EDIL3: variants seen among roughly 807,000 people sequenced by gnomAD.
EDIL3 encodes the protein EGF-like repeat and discoidin I-like domain-containing protein 3.
A neutral mutation model predicts 67.4 loss-of-function variants in EDIL3; 37 were observed. That is an observed-to-expected ratio of 0.55 (90% CI 0.42 to 0.72). The LOEUF (loss-of-function observed/expected upper bound fraction) is 0.72, where lower values mean the gene tolerates loss of function less well. EDIL3 is among the 30% of genes least tolerant of loss of function. EDIL3 has a pLI of 0.00. For missense variants in EDIL3, 527 were observed against 586.3 expected (o/e 0.90, Z 1.04); for synonymous variants, 195 against 196.3 (o/e 0.99, Z 0.05).
At chr5:84,196,376 C>A (rs572600012) in intron 3 of EDIL3, among the ~76,000 whole-genome samples, 1 of 152,088 alleles carries the variant, frequency 6.6e-6, no homozygotes, top group African/African-American at 2.4e-5. Context: ...CAATGATTAC[C>A]CAGAAAAGTT....
rs538338756 is a variant in EDIL3, at chr5:84,243,675, T to C, written c.196+10409A>G. On this transcript the variant is annotated intron_variant, in intron 2 of 10. Coordinates refer to ENST00000296591, the MANE Select transcript of EDIL3 (RefSeq NM_005711.5). ...GCTATATTTTCCAAGGATTAGTACG[T>C]AAGAAAACAAATATCTTTACTGGGT... Among the ~76,000 whole-genome samples, 7 of 152,322 alleles carry C rather than the reference T, an allele frequency of 4.6e-5. No homozygotes were observed. In the East Asian group the frequency reaches 1.2e-3, roughly 25 times the overall value.
At position 84,199,992 on chromosome 5, in the gene EDIL3, T is replaced by A. The variant is rs534250961; in HGVS notation, c.227-19471A>T. Among the ~76,000 whole-genome samples, 42 of 152,192 alleles carry A rather than the reference T, an allele frequency of 2.8e-4. No individual in the cohort carries two copies. In the South Asian group the frequency reaches 7.5e-3, roughly 27 times the overall value. On this transcript the variant is annotated intron_variant, in intron 3 of 10. Coordinates refer to ENST00000296591, the MANE Select transcript of EDIL3 (RefSeq NM_005711.5). ...GCCCTTCCCATGTCTATGGGTTTTT[T>A]AAATTTTCTAATAATGTATTGGTAC...
chr5:84,109,836 C>A (rs1475281957), intron 5 of EDIL3, among the ~76,000 whole-genome samples: 1 of 152,104 alleles, frequency 6.6e-6, no homozygotes, highest in Non-Finnish European at 1.5e-5. Flanking sequence ...TGTGAGTTGT[C>A]AAGGTACTGC....
chr5:84,020,558 G>C (rs558636516), intron 9 of EDIL3, among the ~76,000 whole-genome samples: 11 of 151,716 alleles, frequency 7.3e-5, no homozygotes, highest in Non-Finnish European at 1.6e-4. Flanking sequence ...ATTTTTACTA[G>C]ATTAAAGTGG....
At chr5:84,249,352 T>C (rs1744974361) in intron 2 of EDIL3, among the ~76,000 whole-genome samples, 1 of 152,070 alleles carries the variant, frequency 6.6e-6, no homozygotes, top group Admixed American at 6.6e-5. Context: ...CAGGTACTTG[T>C]ATCACAACAC....
chr5:84,179,409 T>A (rs551849738), intron 4 of EDIL3, among the ~76,000 whole-genome samples: 19 of 152,280 alleles, frequency 1.2e-4, no homozygotes, highest in African/African-American at 4.6e-4. Context: ...CACACGCCCA[T>A]GCACTACAAT....
chr5:84,229,888 T>C lies in EDIL3; in HGVS notation c.197-4A>G. Reference sequence around the variant, plus strand: ...GTTGGTTCTTCTTCATCTGATGCTATGATAAGAGGAAAAGGTGAAATGGGG... The same window carrying C: ...GTTGGTTCTTCTTCATCTGATGCTACGATAAGAGGAAAAGGTGAAATGGGG... On this transcript the variant is annotated splice_polypyrimidine_tract_variant and splice_region_variant and intron_variant, in intron 2 of 10. Coordinates refer to ENST00000296591, the MANE Select transcript of EDIL3 (RefSeq NM_005711.5). 6.3e-7 allele frequency: 1 copy of C among 1,594,914 alleles called. No homozygotes were observed. The highest frequency in any genetic ancestry group is 8.5e-7 in the Non-Finnish European group (1 of 1,170,878).
chr5:84,156,931 C>G (rs886606925), intron 4 of EDIL3, among the ~76,000 whole-genome samples: 12 of 152,096 alleles, frequency 7.9e-5, no homozygotes, highest in Non-Finnish European at 1.5e-5. Context: ...AGAGTACTAT[C>G]AGCACGTCAT....
At chr5:84,250,940 G>A (rs1745012200) in intron 2 of EDIL3, among the ~76,000 whole-genome samples, 1 of 152,056 alleles carries the variant, frequency 6.6e-6, no homozygotes, top group Non-Finnish European at 1.5e-5. Context: ...ACAGACTAGT[G>A]ACAGCTCAAA....
chr5:84,306,581 G>A (rs1280733532), intron 1 of EDIL3, among the ~76,000 whole-genome samples: 1 of 152,178 alleles, frequency 6.6e-6, no homozygotes, highest in Non-Finnish European at 1.5e-5. Context: ...GTATCAGTAA[G>A]TTTTAGAGCT....
intron 5 of EDIL3, among the ~76,000 whole-genome samples, chr5:84,111,506 G>A (rs1029678693): frequency 3.9e-5 from 6 of 152,108 alleles, no homozygotes; most frequent in African/African-American, 1.4e-4. Flanking sequence ...CGTGTTTATT[G>A]AAGCCCTTCT....
intron 9 of EDIL3, among the ~76,000 whole-genome samples, chr5:83,994,622 TG>T (rs1188884494): frequency 6.6e-6 from 1 of 152,178 alleles, no homozygotes; most frequent in African/African-American, 2.4e-5. Context: ...ATTCTCTTTT[TG>T]GCTGGCATTT....
At chr5:84,177,449 A>G (rs1748940636) in intron 4 of EDIL3, among the ~76,000 whole-genome samples, 1 of 152,188 alleles carries the variant, frequency 6.6e-6, no homozygotes. Context: ...AAGGATAAAT[A>G]GGTGTACAGG....
At position 84,180,580 on chromosome 5, in the gene EDIL3, T is replaced by C. The variant is rs1748998213; in HGVS notation, c.227-59A>G. The C allele has an allele frequency of 2.7e-6, 4 of 1,476,630 alleles. No homozygotes were observed. In the East Asian group the frequency reaches 7.3e-5, roughly 27 times the overall value. The allele number at this position is 1,476,630 out of a possible 1,614,324, so 91.5% of individuals were successfully genotyped here. A position where few individuals can be genotyped will look rare whatever the true frequency, so the allele number is the denominator to read the frequency against. On this transcript the variant is annotated intron_variant, in intron 3 of 10. Coordinates refer to ENST00000296591, the MANE Select transcript of EDIL3 (RefSeq NM_005711.5). Reference sequence around the variant, plus strand: ...CATATTCTTAAAAGTAGACATTAGGTCAACATTTTGCAATTAATAATTTTA... The same window carrying C: ...CATATTCTTAAAAGTAGACATTAGGCCAACATTTTGCAATTAATAATTTTA...
intron 4 of EDIL3, among the ~76,000 whole-genome samples, chr5:84,156,620 G>T (rs1301539548): frequency 1.3e-5 from 2 of 152,174 alleles, no homozygotes; most frequent in Admixed American, 1.3e-4. Context: ...TATCTTAAAA[G>T]GCTAAGTTTA....
intron 1 of EDIL3, among the ~76,000 whole-genome samples, chr5:84,254,485 T>C (rs1745092125): frequency 6.6e-6 from 1 of 152,210 alleles, no homozygotes; most frequent in Non-Finnish European, 1.5e-5. Flanking sequence ...AAAGAGAATG[T>C]TGTCTAATTG....
chr5:84,046,829 G>A (rs1359453742), intron 9 of EDIL3, among the ~76,000 whole-genome samples: 1 of 152,118 alleles, frequency 6.6e-6, no homozygotes, highest in Admixed American at 6.5e-5. Flanking sequence ...CATAAAACAG[G>A]AGCAGGTCTG....
At chr5:84,200,124 G>A (rs1294341784) in intron 3 of EDIL3, among the ~76,000 whole-genome samples, 1 of 152,032 alleles carries the variant, frequency 6.6e-6, no homozygotes, top group Non-Finnish European at 1.5e-5. Flanking sequence ...ATGAGTTATA[G>A]ATATTGTATG....
At chr5:84,105,349 C>T (rs1307287086) in intron 6 of EDIL3, among the ~76,000 whole-genome samples, 2 of 151,950 alleles carry the variant, frequency 1.3e-5, no homozygotes, top group Non-Finnish European at 2.9e-5. Flanking sequence ...CTTATTAGAG[C>T]TCTATAGATA....
Sources: allele counts gnomAD v4.1 joint callset (sites outside exome capture counted in the v4.1 genomes callset), GRCh38; gene constraint gnomAD v4.1.1; transcripts MANE v1.5; gene names NCBI Gene and HGNC (gene_info 2026-07-23, HGNC 2026-07-21).